Variants in MYO3B observed in about 807,000 individuals in gnomAD.
MYO3B encodes the protein myosin-IIIb.
In MYO3B, 156 loss-of-function variants were observed where a neutral mutation model predicts 174.6. The observed-to-expected ratio is 0.89, with a 90% CI of 0.78 to 1.02. The LOEUF is 1.02. Ranked by LOEUF, MYO3B falls within the 50% of genes least tolerant of loss-of-function variation. The probability of loss-of-function intolerance (pLI) is 0.00; values close to 1 mark genes in which losing one functional copy is unlikely to be tolerated. For synonymous variants in MYO3B, 563 were observed against 569.1 expected (o/e 0.99, Z 0.15); for missense variants, 1,632 against 1,639.4 (o/e 1.00, Z 0.08).
Position 170,582,730 on chromosome 2 carries a change from C to T in MYO3B, c.3733+38742C>T, listed in dbSNP as rs931215004. On this transcript the variant is annotated intron_variant, in intron 32 of 34. Coordinates refer to ENST00000408978, the MANE Select transcript of MYO3B (RefSeq NM_138995.5). The stretch of plus-strand genomic sequence containing the variant: ...GTTGCTCCTAGTTCCCCTGGAAAAG[C>T]GAAATAAGTACTCAGCAACAGGCAT... Among the ~76,000 whole-genome samples the T allele has an allele frequency of 3.9e-5, 6 of 152,182 alleles. No homozygotes were observed. In the South Asian group the frequency reaches 8.3e-4, roughly 21 times the overall value.
intron 29 of MYO3B, among the ~76,000 whole-genome samples, chr2:170,516,434 G>A (rs1688314358): frequency 1.3e-5 from 2 of 151,972 alleles, no homozygotes; most frequent in Non-Finnish European, 2.9e-5. Context: ...GAGGTCAGGA[G>A]ATACAGACCA....
At chr2:170,585,662 G>A (rs142585262) in intron 32 of MYO3B, among the ~76,000 whole-genome samples, 13 of 152,258 alleles carry the variant, frequency 8.5e-5, no homozygotes, top group South Asian at 2.1e-4. Flanking sequence ...AAGTGATCAG[G>A]ACACCTATAG....
chr2:170,217,623 G>C (rs531765530), intron 6 of MYO3B, among the ~76,000 whole-genome samples: 85 of 152,270 alleles, frequency 5.6e-4, no homozygotes, highest in Non-Finnish European at 1.0e-3. Flanking sequence ...GCAATTAGAA[G>C]AAAGTGTCCC....
At chr2:170,220,176 T>A (rs1415802433) in intron 6 of MYO3B, among the ~76,000 whole-genome samples, 8 of 152,026 alleles carry the variant, frequency 5.3e-5, no homozygotes, top group Non-Finnish European at 2.9e-5. Flanking sequence ...AAGAATGGCG[T>A]GAACCCGGAA....
At chr2:170,372,328 G>C (rs1384200054) in intron 9 of MYO3B, among the ~76,000 whole-genome samples, 1 of 152,088 alleles carries the variant, frequency 6.6e-6, no homozygotes, top group Non-Finnish European at 1.5e-5. Context: ...ATAAATGTTA[G>C]TAGTAGAAGT....
At chr2:170,302,888 G>C (rs186599526) in intron 7 of MYO3B, among the ~76,000 whole-genome samples, 1 of 152,302 alleles carries the variant, frequency 6.6e-6, no homozygotes, top group East Asian at 1.9e-4. Context: ...AGAGAAGATG[G>C]TGCTTGATCT....
intron 27 of MYO3B, among the ~76,000 whole-genome samples, chr2:170,501,430 A>G (rs1276582688): frequency 1.3e-5 from 2 of 152,120 alleles, no homozygotes; most frequent in East Asian, 3.8e-4. Flanking sequence ...AAACCCTTCC[A>G]CCTGTATCAT....
intron 7 of MYO3B, among the ~76,000 whole-genome samples, chr2:170,275,316 A>G (rs2093456564): frequency 6.6e-6 from 1 of 152,208 alleles, no homozygotes; most frequent in African/African-American, 2.4e-5. Flanking sequence ...GTTTAAGAAA[A>G]GTGAACATGT....
rs1032191348 is a variant in MYO3B, at chr2:170,553,727, G to A, written c.3733+9739G>A. ...CATGAGATTTGGGAGAGGTTGGGGT[G>A]GAATAATATGGTTTAGCTCTGCATC... On this transcript the variant is annotated intron_variant, in intron 32 of 34. Transcript: ENST00000408978. Among the ~76,000 whole-genome samples the A allele has an allele frequency of 4.6e-5, 7 of 152,246 alleles. No individual in the cohort carries two copies. The Middle Eastern group carries it at 0.01, about 222-fold the overall frequency.
chr2:170,317,777 G>A (rs1440236200), intron 7 of MYO3B, among the ~76,000 whole-genome samples: 2 of 152,130 alleles, frequency 1.3e-5, no homozygotes, highest in Non-Finnish European at 2.9e-5. Flanking sequence ...TTAAAAAGGA[G>A]GTTCCATGAT....
intron 7 of MYO3B, among the ~76,000 whole-genome samples, chr2:170,311,159 G>T (rs972088474): frequency 1.3e-5 from 2 of 152,046 alleles, no homozygotes; most frequent in Non-Finnish European, 2.9e-5. Context: ...AATGCTGGGC[G>T]ATTCTGTGTT....
chr2:170,325,960 T>C (rs1007315096), intron 7 of MYO3B, among the ~76,000 whole-genome samples: 2 of 152,170 alleles, frequency 1.3e-5, no homozygotes, highest in African/African-American at 4.8e-5. Context: ...AGAAGTCCTG[T>C]TTTTATTGCC....
intron 7 of MYO3B, among the ~76,000 whole-genome samples, chr2:170,242,750 A>G (rs1574642539): frequency 6.6e-6 from 1 of 152,162 alleles, no homozygotes; most frequent in African/African-American, 2.4e-5. Flanking sequence ...CCTTCTTCTC[A>G]TTACCCTGGT....
At chr2:170,575,822 T>A (rs1692749862) in intron 32 of MYO3B, among the ~76,000 whole-genome samples, 1 of 152,170 alleles carries the variant, frequency 6.6e-6, no homozygotes, top group African/African-American at 2.4e-5. Context: ...AAAGAAAAAG[T>A]GTGTCCAAGC....
rs115577622 is a variant in MYO3B at position 170,275,082 on chromosome 2, G to A, written c.749+38946G>A. ...ATTATGTTCAGAAAGAAATAAGCCC[G>A]TATTTCTGAGCTCCAGCTTCTGCTA... On this transcript the variant is annotated intron_variant, in intron 7 of 34. Transcript: ENST00000408978. Among the ~76,000 whole-genome samples the A allele has an allele frequency of 4.5e-3, 678 of 152,188 alleles. 4 individuals carry two copies. In the Middle Eastern group the frequency reaches 0.051, roughly 11 times the overall value.
At chr2:170,543,226 G>A (rs567881379) in intron 31 of MYO3B, among the ~76,000 whole-genome samples, 1 of 152,262 alleles carries the variant, frequency 6.6e-6, no homozygotes, top group Admixed American at 6.5e-5. Flanking sequence ...GCTCCCTGAG[G>A]TGATTTGTCT....
At position 170,508,564 on chromosome 2, in the gene MYO3B, G is replaced by A. The variant is rs114639371; in HGVS notation, c.3371-6357G>A. 4.0e-3 allele frequency among the ~76,000 whole-genome samples: 612 copies of A among 152,298 alleles called. 2 individuals are homozygous for A. Among genetic ancestry groups the A allele is most frequent in the African/African-American group, 0.014 (587 of 41,562 alleles). ...ACCAGGAGCACAGAGAGTTAAATAA[G>A]TTGTGTCTCCCTTATGTGTTCTGCA... On this transcript the variant is annotated intron_variant, in intron 28 of 34. Transcript: ENST00000408978.
chr2:170,317,121 C>T (rs1339624634), intron 7 of MYO3B, among the ~76,000 whole-genome samples: 1 of 152,094 alleles, frequency 6.6e-6, no homozygotes, highest in East Asian at 1.9e-4. Context: ...GGAAGTTTCC[C>T]TAATGAAAAG....
chr2:170,275,941 T>C (rs771143467), intron 7 of MYO3B, among the ~76,000 whole-genome samples: 10 of 152,212 alleles, frequency 6.6e-5, no homozygotes, highest in Admixed American at 1.3e-4. Flanking sequence ...AGTTATGTTT[T>C]TTAAAAGCAG....
Sources: gnomAD v4.1 joint callset for allele counts (sites outside exome capture counted in the v4.1 genomes callset) on GRCh38, gnomAD v4.1.1 for gene constraint, MANE v1.5 for transcripts, NCBI Gene and HGNC (gene_info 2026-07-23, HGNC 2026-07-21) for gene names.